LRRC3C: variants seen among roughly 807,000 people sequenced by gnomAD.
The protein encoded by LRRC3C is leucine rich repeat containing 3C, also known as leucine-rich repeat-containing protein 3C.
LRRC3C carries 11 observed loss-of-function variants against 14.8 expected under a neutral mutation model. The ratio of observed to expected loss-of-function variants is 0.74; its 90% confidence interval spans 0.47 to 1.23. The LOEUF is 1.23. LRRC3C is among the 50% of genes most tolerant of loss of function. The pLI is 0.00. For missense variants in LRRC3C, 354 were observed against 361.8 expected (o/e 0.98, Z 0.18); for synonymous variants, 149 against 161.5 (o/e 0.92, Z 0.59).
intron 1 of LRRC3C, among the ~76,000 whole-genome samples, chr17:39,928,170 C>G (rs977588110): frequency 3.3e-5 from 5 of 152,236 alleles, no homozygotes; most frequent in Non-Finnish European, 7.3e-5. Flanking sequence ...CAGGCTGCCC[C>G]GGACCGGGCC....
chr17:39,942,734 T>G (rs1978971132), intron 3 of LRRC3C, among the ~76,000 whole-genome samples: 1 of 151,936 alleles, frequency 6.6e-6, no homozygotes, highest in African/African-American at 2.4e-5. Flanking sequence ...CTAGGGGAAG[T>G]TTGCTCACCG....
In LRRC3C at chr17:39,944,893, CT is replaced by C; in HGVS notation, c.*160del. ...CCCTAAATACCTGTGCTGGTTCTCT[CT>C]CTCTCTCTCTGTGTCGTCTTAACCA... On this transcript the variant is annotated 3_prime_UTR_variant, in exon 4 of 4. Transcript: ENST00000377924. 1 of 668,180 alleles carries C rather than the reference CT, an allele frequency of 1.5e-6. No homozygotes were observed. Among genetic ancestry groups the C allele is most frequent in the Non-Finnish European group, 2.5e-6 (1 of 399,098 alleles). 41.4% of individuals were successfully genotyped at this position (668,180 alleles called of 1,614,324 possible). A position where few individuals can be genotyped will look rare whatever the true frequency, so the allele number is the denominator to read the frequency against.
chr17:39,935,819 G>A lies in LRRC3C; in HGVS notation c.-157G>A. ...TTCTACAGGGAACAACAATAGCAGAGGCCTTTGTTGCCCTCTCCGCGAAAC... is the reference window on the plus strand; with the variant it reads ...TTCTACAGGGAACAACAATAGCAGAAGCCTTTGTTGCCCTCTCCGCGAAAC... On this transcript the variant is annotated 5_prime_UTR_variant, in exon 2 of 4. Coordinates refer to ENST00000377924, the MANE Select transcript of LRRC3C (RefSeq NM_001195545.2). 1 of 985,384 alleles carries A rather than the reference G, an allele frequency of 1.0e-6. No homozygotes were observed. The highest frequency in any genetic ancestry group is 1.2e-6 in the Non-Finnish European group (1 of 829,918). The allele number at this position is 985,384 out of a possible 1,614,324, so 61.0% of individuals were successfully genotyped here.
intron 3 of LRRC3C, among the ~76,000 whole-genome samples, chr17:39,942,727 G>A (rs1978970770): frequency 6.6e-6 from 1 of 152,202 alleles, no homozygotes; most frequent in South Asian, 2.1e-4. Context: ...GGAAAGACTA[G>A]GGGAAGTTTG....
intron 1 of LRRC3C, among the ~76,000 whole-genome samples, chr17:39,934,944 C>T (rs745787579): frequency 3.3e-5 from 5 of 152,118 alleles, no homozygotes; most frequent in Non-Finnish European, 5.9e-5. Flanking sequence ...TGTCATGGCG[C>T]GGCTGAAAGT....
chr17:39,939,672 G>T (rs964858241), intron 2 of LRRC3C: 1 of 152,282 alleles, frequency 6.6e-6, no homozygotes, highest in Non-Finnish European at 1.5e-5. Flanking sequence ...CTCACTGAAT[G>T]AATAAACAAA....
intron 1 of LRRC3C, among the ~76,000 whole-genome samples, chr17:39,935,310 C>CA (rs1218274373): frequency 1.3e-5 from 2 of 151,942 alleles, no homozygotes; most frequent in African/African-American, 4.8e-5. Flanking sequence ...CTTCTCGGTG[C>CA]AGCCTTCCCC....
At chr17:39,937,293 G>A (rs1051105198) in intron 2 of LRRC3C, among the ~76,000 whole-genome samples, 4 of 152,050 alleles carry the variant, frequency 2.6e-5, no homozygotes, top group Non-Finnish European at 5.9e-5. Context: ...AAAATTATCC[G>A]GGTGTGGTGA....
At chr17:39,938,423 C>T (rs943184870) in intron 2 of LRRC3C, among the ~76,000 whole-genome samples, 1 of 151,638 alleles carries the variant, frequency 6.6e-6, no homozygotes, top group Non-Finnish European at 1.5e-5. Context: ...AAGTAGGGGC[C>T]AGGCACGGTG....
chr17:39,936,908 G>A (rs553198153), intron 2 of LRRC3C, among the ~76,000 whole-genome samples: 47 of 151,768 alleles, frequency 3.1e-4, no homozygotes, highest in Non-Finnish European at 5.7e-4. Context: ...GATCACTTGC[G>A]GTCAGGAGTT....
chr17:39,944,200 C>A lies in LRRC3C; in HGVS notation c.294C>A (p.Ala98=), dbSNP rs1450828074. ...ANQLASVPAG[A]FQHLPVLEEL... ...AGCTGGCATCGGTGCCTGCTGGTGCCTTCCAGCACCTGCCTGTCCTGGAGG... is the reference window on the plus strand; with the variant it reads ...AGCTGGCATCGGTGCCTGCTGGTGCATTCCAGCACCTGCCTGTCCTGGAGG... Residue 98 remains alanine (A), a synonymous_variant, in exon 4 of 4, where the codon GCC becomes GCA. Transcript: ENST00000377924. 3 of 1,536,012 alleles carry A rather than the reference C, an allele frequency of 2.0e-6. No homozygotes were observed. Among genetic ancestry groups the A allele is most frequent in the Non-Finnish European group, 1.7e-6 (2 of 1,146,908 alleles).
At chr17:39,934,919 A>G (rs1289437182) in intron 1 of LRRC3C, among the ~76,000 whole-genome samples, 3 of 152,114 alleles carry the variant, frequency 2.0e-5, no homozygotes, top group Non-Finnish European at 4.4e-5. Flanking sequence ...TGACGTTGCC[A>G]TGATATTTGT....
intron 1 of LRRC3C, among the ~76,000 whole-genome samples, chr17:39,932,527 A>ACCCCCCCCCCCCCCCCCCC (rs147624649): frequency 1.4e-5 from 1 of 71,314 alleles, no homozygotes; most frequent in Non-Finnish European, 2.8e-5. Context: ...ACGTAATGAG[A>ACCCCCCCCCCCCCCCCCCC]CCCCCCCCCC....
intron 2 of LRRC3C, 31 bp from the exon 3 acceptor site, chr17:39,941,412 C>G (rs555177306): frequency 2.6e-5 from 18 of 704,430 alleles, no homozygotes; most frequent in East Asian, 1.1e-4. Flanking sequence ...GGGACCCCCC[C>G]ACACACACCC....
intron 1 of LRRC3C, among the ~76,000 whole-genome samples, chr17:39,933,849 G>A (rs996265831): frequency 4.6e-5 from 7 of 152,222 alleles, no homozygotes; most frequent in African/African-American, 1.4e-4. Context: ...AGGGTGGTGA[G>A]GTCCTGTCCA....
chr17:39,935,949 A>G (rs769469301), intron 2 of LRRC3C, 55 bp downstream of exon 2: 28 of 930,144 alleles, frequency 3.0e-5, no homozygotes, highest in Non-Finnish European at 3.6e-5. Flanking sequence ...CTATCTATCT[A>G]TCTTTTTCCT....
chr17:39,928,276 G>A (rs548418994), intron 1 of LRRC3C, among the ~76,000 whole-genome samples: 1 of 152,374 alleles, frequency 6.6e-6, no homozygotes, highest in African/African-American at 2.4e-5. Flanking sequence ...TCTCAGGTCA[G>A]CTTGTGTGGC....
At chr17:39,935,755 C>A in intron 1 of LRRC3C, 47 bp from the exon 2 acceptor site, 1 of 869,732 alleles carries the variant, frequency 1.1e-6, no homozygotes, top group Non-Finnish European at 1.4e-6. Context: ...TATCTCCAAG[C>A]ATGGCAGCAT....
chr17:39,940,417 A>ATTCT (rs1568119231), intron 2 of LRRC3C, among the ~76,000 whole-genome samples: 22 of 151,966 alleles, frequency 1.4e-4, no homozygotes, highest in Middle Eastern at 3.4e-3. Flanking sequence ...ATTCTTTTTT[A>ATTCT]TTTTTATTTT....
Sources: allele counts gnomAD v4.1 joint callset (sites outside exome capture counted in the v4.1 genomes callset), GRCh38; gene constraint gnomAD v4.1.1; transcripts MANE v1.5; gene names NCBI Gene and HGNC (gene_info 2026-07-23, HGNC 2026-07-21).